NUCKS1: variants seen among roughly 807,000 people sequenced by gnomAD.
NUCKS1 encodes the protein nuclear casein kinase and cyclin dependent kinase substrate 1.
NUCKS1 carries 2 observed loss-of-function variants against 33.0 expected under a neutral mutation model. The ratio of observed to expected loss-of-function variants is 0.06; its 90% CI spans 0.02 to 0.19. The LOEUF is 0.19. NUCKS1 is among the 10% of genes least tolerant of loss of function. The pLI is 1.00. For synonymous variants in NUCKS1, 106 were observed against 102.8 expected (o/e 1.03, Z -0.19); for missense variants, 201 against 293.6 (o/e 0.68, Z 2.31).
intron 1 of NUCKS1, among the ~76,000 whole-genome samples, chr1:205,740,494 A>C (rs1360225913): frequency 1.3e-5 from 2 of 151,984 alleles, no homozygotes; most frequent in African/African-American, 4.8e-5. Flanking sequence ...GCACGCCTGT[A>C]GTCTCAGATA....
Position 205,718,269 on chromosome 1 carries a change from C to A in NUCKS1, c.*11G>T, listed in dbSNP as rs372252283. ...TTTTTAATAAAATCTCTCCCCAGAC[C>A]ATCATCACTTTTAATCCTCCCCAGA... On this transcript the variant is annotated 3_prime_UTR_variant, in exon 7 of 7. Transcript: ENST00000367142. 1 of 1,593,620 alleles carries A rather than the reference C, an allele frequency of 6.3e-7. No homozygotes were observed. The highest frequency in any genetic ancestry group is 1.8e-5 in the Admixed American group (1 of 56,296).
intron 1 of NUCKS1, among the ~76,000 whole-genome samples, chr1:205,744,649 T>TTTTTTTTTA (rs1654269958): frequency 2.7e-5 from 4 of 148,320 alleles, no homozygotes; most frequent in Admixed American, 6.8e-5. Context: ...TTTTTTTTTT[T>TTTTTTTTTA]GAGACGGAGT....
chr1:205,738,001 T>A (rs2102443599), intron 1 of NUCKS1, among the ~76,000 whole-genome samples: 1 of 152,318 alleles, frequency 6.6e-6, no homozygotes, highest in East Asian at 1.9e-4. Flanking sequence ...AAACTTTACC[T>A]CCAAAATTAT....
chr1:205,749,500 A>G (rs1321718230), intron 1 of NUCKS1, among the ~76,000 whole-genome samples: 5 of 150,558 alleles, frequency 3.3e-5, no homozygotes, highest in Non-Finnish European at 7.4e-5. Context: ...CCCCCGCGCC[A>G]GTCGCTGGGG....
chr1:205,720,127 C>T (rs1368649157), intron 5 of NUCKS1, among the ~76,000 whole-genome samples: 4 of 152,288 alleles, frequency 2.6e-5, no homozygotes, highest in African/African-American at 9.6e-5. Context: ...ACCTGTGAAA[C>T]ACCTAAATTT....
At chr1:205,736,028 T>C (rs1654025840) in intron 1 of NUCKS1, among the ~76,000 whole-genome samples, 1 of 152,118 alleles carries the variant, frequency 6.6e-6, no homozygotes. Context: ...CATAGCTCAC[T>C]ATAGCCTCAA....
chr1:205,726,955 C>T (rs1338920917), intron 3 of NUCKS1, among the ~76,000 whole-genome samples: 1 of 151,788 alleles, frequency 6.6e-6, no homozygotes, highest in Non-Finnish European at 1.5e-5. Flanking sequence ...ATTACAATAT[C>T]CTCGTCTTGT....
chr1:205,717,689 T>G lies in NUCKS1; in HGVS notation c.*591A>C. 1.0e-6 allele frequency: 1 copy of G among 985,374 alleles called. No individual in the cohort carries two copies. Among genetic ancestry groups the G allele is most frequent in the Non-Finnish European group, 1.2e-6 (1 of 829,924 alleles). 61.0% of individuals were successfully genotyped at this position (985,374 alleles called of 1,614,324 possible). ...TTTAGTAACAGTTCAGAATTCATCT[T>G]TATCTCCTACCTGCCTCATCGGTGG... is the stretch of plus-strand genomic sequence containing the variant. On this transcript the variant is annotated 3_prime_UTR_variant, in exon 7 of 7. Transcript: ENST00000367142.
intron 1 of NUCKS1, among the ~76,000 whole-genome samples, chr1:205,738,658 A>T (rs891577046): frequency 6.6e-6 from 1 of 152,134 alleles, no homozygotes; most frequent in Non-Finnish European, 1.5e-5. Context: ...GCACTGTGGG[A>T]GGCCGAGGTG....
intron 1 of NUCKS1, among the ~76,000 whole-genome samples, chr1:205,730,573 C>T (rs1209976433): frequency 6.6e-6 from 1 of 151,908 alleles, no homozygotes; most frequent in Non-Finnish European, 1.5e-5. Flanking sequence ...ACTGCAACCT[C>T]TGCCTCCCAA....
chr1:205,733,887 C>T (rs1376093642), intron 1 of NUCKS1, among the ~76,000 whole-genome samples: 1 of 152,026 alleles, frequency 6.6e-6, no homozygotes, highest in Non-Finnish European at 1.5e-5. Context: ...TCCATCCATC[C>T]AACAATTGAG....
rs1671847673 is a variant in NUCKS1 at position 205,717,731 on chromosome 1, T to C, written c.*549A>G. ...CATCGGTGGAAGTTTAAAGTCATGA[T>C]TTTTTTTAGACATTGATACTTGTGT... On this transcript the variant is annotated 3_prime_UTR_variant, in exon 7 of 7. Coordinates refer to ENST00000367142, the MANE Select transcript of NUCKS1 (RefSeq NM_022731.5). 1 of 984,322 alleles carries C rather than the reference T, an allele frequency of 1.0e-6. No homozygotes were observed. The highest frequency in any genetic ancestry group is 1.2e-6 in the Non-Finnish European group (1 of 829,168). 61.0% of individuals were successfully genotyped at this position (984,322 alleles called of 1,614,324 possible). A position where few individuals can be genotyped will look rare whatever the true frequency, so the allele number is the denominator to read the frequency against.
At chr1:205,746,793 T>C (rs1654343974) in intron 1 of NUCKS1, among the ~76,000 whole-genome samples, 1 of 152,244 alleles carries the variant, frequency 6.6e-6, no homozygotes, top group Non-Finnish European at 1.5e-5. Flanking sequence ...TAAGAGCTTA[T>C]GTTTTCACAT....
At chr1:205,734,367 A>C (rs887094195) in intron 1 of NUCKS1, among the ~76,000 whole-genome samples, 1 of 152,226 alleles carries the variant, frequency 6.6e-6, no homozygotes. Flanking sequence ...GAAGTATTTT[A>C]ACTTTCAATG....
rs559564822 is a variant in NUCKS1 at position 205,722,382 on chromosome 1, G to A, written c.229+1544C>T. 3.7e-4 allele frequency among the ~76,000 whole-genome samples: 57 copies of A among 152,250 alleles called. 1 individual carries two copies. The highest frequency in any genetic ancestry group is 3.1e-4 in the Non-Finnish European group (21 of 68,006). The stretch of plus-strand genomic sequence containing the variant: ...AGTGATTCTCCTGCCTCGGCCTCCC[G>A]AGTAGCTGGGATTACAGGCACCCAC... On this transcript the variant is annotated intron_variant, in intron 4 of 6. Transcript: ENST00000367142.
intron 1 of NUCKS1, among the ~76,000 whole-genome samples, chr1:205,737,243 T>C (rs1654055419): frequency 6.6e-6 from 1 of 152,226 alleles, no homozygotes; most frequent in Non-Finnish European, 1.5e-5. Context: ...AGTTCCCTTT[T>C]GGACTGTTCC....
intron 1 of NUCKS1, among the ~76,000 whole-genome samples, chr1:205,744,964 G>T (rs528097317): frequency 2.8e-4 from 43 of 152,184 alleles, no homozygotes; most frequent in African/African-American, 9.9e-4. Flanking sequence ...TTGTTTACAG[G>T]AGTACTACCC....
chr1:205,727,954 A>G lies in NUCKS1; in HGVS notation c.68-149T>C, dbSNP rs966902591. The G allele has an allele frequency of 6.4e-6, 4 of 628,336 alleles. No homozygotes were observed. The East Asian group carries it at 1.1e-4, about 18-fold the overall frequency. 38.9% of individuals were successfully genotyped at this position (628,336 alleles called of 1,614,324 possible). On this transcript the variant is annotated intron_variant, in intron 2 of 6. Transcript: ENST00000367142. ...GTTTCTTTCATCTTTAAAAAACTAA[A>G]TTATTTCCCAACGCAGTCCTATCAC...
chr1:205,743,078 G>A (rs1175857405), intron 1 of NUCKS1, among the ~76,000 whole-genome samples: 1 of 116,690 alleles, frequency 8.6e-6, no homozygotes, highest in Non-Finnish European at 1.9e-5. Context: ...CATGCAGACT[G>A]TAAGTCATAC....
Sources: gnomAD v4.1 joint callset for allele counts (sites outside exome capture counted in the v4.1 genomes callset) on GRCh38, gnomAD v4.1.1 for gene constraint, MANE v1.5 for transcripts, NCBI Gene and HGNC (gene_info 2026-07-23, HGNC 2026-07-21) for gene names.